USP28: variants seen among roughly 807,000 people sequenced by gnomAD.
USP28 encodes the protein ubiquitin specific peptidase 28.
A neutral mutation model predicts 145.0 loss-of-function variants in USP28; 113 were observed. The ratio of observed to expected loss-of-function variants is 0.78; its 90% CI spans 0.67 to 0.91. The LOEUF (loss-of-function observed/expected upper bound fraction) is 0.91. Ranked by LOEUF, USP28 falls within the 40% of genes least tolerant of loss-of-function variation. The pLI is 0.00. For missense variants in USP28, 1,201 were observed against 1,289.6 expected (o/e 0.93, Z 1.05); for synonymous variants, 447 against 450.9 (o/e 0.99, Z 0.11).
exon 10 of USP28, chr11:113,829,281 G>C: frequency 6.2e-7 from 1 of 1,614,126 alleles, no homozygotes; most frequent in Non-Finnish European, 8.5e-7. Flanking sequence ...ACTCGTCTAA[G>C]TTGCGATAAC....
rs1389501693 is a variant in USP28, at chr11:113,874,395, A to G, written c.57+1050T>C. ...AGCCGACATCGCGCCACAGCACTCC[A>G]GCCTAGGCAACAGAGGGAGACTCTG... On this transcript the variant is annotated intron_variant, in intron 1 of 24. Coordinates refer to ENST00000003302, the Ensembl canonical transcript of USP28. 4 of 908,630 alleles carry G rather than the reference A, an allele frequency of 4.4e-6. No individual in the cohort carries two copies. The East Asian group carries it at 2.7e-4, about 62-fold the overall frequency. The allele number at this position is 908,630 out of a possible 1,614,324, so 56.3% of individuals were successfully genotyped here.
chr11:113,803,090 A>AT, intron 23 of USP28, 68 bp downstream of exon 24: 1 of 1,477,144 alleles, frequency 6.8e-7, no homozygotes, highest in Non-Finnish European at 9.0e-7. Flanking sequence ...AAAGCCATAT[A>AT]TTTTCCTGGC....
chr11:113,805,559 T>C (rs1481964753), intron 19 of USP28, among the ~76,000 whole-genome samples: 1 of 152,216 alleles, frequency 6.6e-6, no homozygotes, highest in Non-Finnish European at 1.5e-5. Context: ...CCCAGCCTAC[T>C]GTACTCTTAA....
At chr11:113,824,604 C>T (rs1351655840) in intron 11 of USP28, among the ~76,000 whole-genome samples, 1 of 150,934 alleles carries the variant, frequency 6.6e-6, no homozygotes, top group East Asian at 2.0e-4. Context: ...CAGGTGTGAG[C>T]CACCATGTCT....
chr11:113,807,008 AT>A (rs1489670947), intron 18 of USP28, among the ~76,000 whole-genome samples: 1 of 152,160 alleles, frequency 6.6e-6, no homozygotes, highest in Non-Finnish European at 1.5e-5. Context: ...TAAACAGTAC[AT>A]TTAAAATAGT....
chr11:113,827,239 A>G, exon 11 of USP28: 1 of 1,605,134 alleles, frequency 6.2e-7, no homozygotes, highest in East Asian at 2.2e-5. Flanking sequence ...TCACCTGTCC[A>G]TATAAATAAT....
Position 113,802,095 on chromosome 11 carries a change from C to T in USP28, c.2863-417G>A, listed in dbSNP as rs189899785. 2.1e-4 allele frequency among the ~76,000 whole-genome samples: 32 copies of T among 152,268 alleles called. No individual in the cohort carries two copies. In the East Asian group the frequency reaches 5.6e-3, roughly 27 times the overall value. ...TTGCTAGGGAGAGGCCTGAGCTTCACGACTGTCTGAAAGCTCCCTATATGA... is the reference window on the plus strand; with the variant it reads ...TTGCTAGGGAGAGGCCTGAGCTTCATGACTGTCTGAAAGCTCCCTATATGA... On this transcript the variant is annotated intron_variant, in intron 23 of 24. Transcript: ENST00000003302.
chr11:113,874,514 C>T (rs1211960157), intron 1 of USP28: 2 of 1,287,810 alleles, frequency 1.6e-6, no homozygotes, highest in Admixed American at 4.6e-5. Context: ...AAAGGATTCT[C>T]ACCTGAGGGT....
At chr11:113,815,044 T>G in intron 14 of USP28, 130 bp downstream of exon 14, 1 of 816,942 alleles carries the variant, frequency 1.2e-6, no homozygotes, top group Non-Finnish European at 1.9e-6. Context: ...AGAGTGAGAC[T>G]CCATCTCGGC....
At chr11:113,827,476 A>C in intron 10 of USP28, 116 bp from the exon 11 acceptor site, 1 of 1,091,348 alleles carries the variant, frequency 9.2e-7, no homozygotes, top group Non-Finnish European at 1.3e-6. Context: ...ACTTATACTC[A>C]AGGCAAACTC....
chr11:113,870,093 C>T (rs766960512), intron 1 of USP28, among the ~76,000 whole-genome samples: 1 of 152,020 alleles, frequency 6.6e-6, no homozygotes, highest in African/African-American at 2.4e-5. Context: ...ACCCAGGAGG[C>T]GGAGGATGCA....
chr11:113,803,542 T>G (rs1939420369), intron 22 of USP28, among the ~76,000 whole-genome samples: 1 of 152,212 alleles, frequency 6.6e-6, no homozygotes, highest in South Asian at 2.1e-4. Flanking sequence ...AAAATTCATT[T>G]TCTGAGTTCA....
chr11:113,840,838 C>A, intron 4 of USP28, 81 bp from the exon 5 acceptor site: 1 of 1,468,272 alleles, frequency 6.8e-7, no homozygotes, highest in Non-Finnish European at 9.1e-7. Flanking sequence ...TATAACTTTT[C>A]GTGGATAATT....
At chr11:113,863,382 A>T (rs554145629) in intron 1 of USP28, among the ~76,000 whole-genome samples, 11 of 152,298 alleles carry the variant, frequency 7.2e-5, no homozygotes, top group East Asian at 1.9e-4. Context: ...GCGATGGCTC[A>T]CACCTGTAAT....
chr11:113,869,125 T>TA (rs375678550), intron 1 of USP28, among the ~76,000 whole-genome samples: 34 of 151,908 alleles, frequency 2.2e-4, no homozygotes, highest in African/African-American at 3.1e-4. Flanking sequence ...ACCCCATTGC[T>TA]AAAAAAACTT....
intron 3 of USP28, among the ~76,000 whole-genome samples, chr11:113,842,128 C>T (rs1475788692): frequency 6.6e-6 from 1 of 152,030 alleles, no homozygotes; most frequent in African/African-American, 2.4e-5. Flanking sequence ...AAATCTCATA[C>T]AAAATATTCC....
chr11:113,812,065 A>T, intron 16 of USP28, among the ~76,000 whole-genome samples: 1 of 152,226 alleles, frequency 6.6e-6, no homozygotes, highest in Non-Finnish European at 1.5e-5. Flanking sequence ...AACATTGTGT[A>T]CTTGTTGGGA....
chr11:113,844,297 C>T (rs934249685), intron 3 of USP28, among the ~76,000 whole-genome samples: 11 of 151,708 alleles, frequency 7.3e-5, no homozygotes, highest in Non-Finnish European at 1.5e-4. Flanking sequence ...AAAAATTAGC[C>T]GGGCGTGGTG....
chr11:113,805,643 G>A (rs1036476047), intron 19 of USP28, among the ~76,000 whole-genome samples: 1 of 152,094 alleles, frequency 6.6e-6, no homozygotes, highest in African/African-American at 2.4e-5. Context: ...GCAGATCCTT[G>A]TGTGTCAATG....
Sources: allele counts gnomAD v4.1 joint callset (sites outside exome capture counted in the v4.1 genomes callset), GRCh38; gene constraint gnomAD v4.1.1; transcripts MANE v1.5; gene names NCBI Gene and HGNC (gene_info 2026-07-23, HGNC 2026-07-21).